Variants in CTSC observed in about 807,000 individuals in gnomAD.
CTSC encodes dipeptidyl peptidase 1.
Under a neutral mutation model 40.9 loss-of-function variants are expected in CTSC, and 37 were observed. The ratio of observed to expected loss-of-function variants is 0.91; its 90% CI spans 0.70 to 1.19. The LOEUF (loss-of-function observed/expected upper bound fraction) is 1.19, where lower values mean the gene tolerates loss of function less well. CTSC is among the 50% of genes most tolerant of loss of function. The pLI is 0.00. For synonymous variants in CTSC, 232 were observed against 207.4 expected (o/e 1.12, Z -1.02); for missense variants, 594 against 567.3 (o/e 1.05, Z -0.48).
intron 4 of CTSC, among the ~76,000 whole-genome samples, chr11:88,305,534 C>T (rs1328394953): frequency 6.6e-6 from 1 of 152,208 alleles, no homozygotes; most frequent in Non-Finnish European, 1.5e-5. Flanking sequence ...TTCAGAAATG[C>T]TCATAAACAA....
Position 88,325,991 on chromosome 11 carries a change from G to A in CTSC, c.318+8946C>T, listed in dbSNP as rs1032719587. 41 of 1,007,740 alleles carry A rather than the reference G, an allele frequency of 4.1e-5. No homozygotes were observed. In the East Asian group the frequency reaches 1.5e-3, roughly 36 times the overall value. The allele number at this position is 1,007,740 out of a possible 1,614,324, so 62.4% of individuals were successfully genotyped here. ...CAGTTAAACTGTGAATAAAATTTAC[G>A]CTGTGAATAAAACAAAACATACACT... is the stretch of plus-strand genomic sequence containing the variant. On this transcript the variant is annotated intron_variant, in intron 2 of 6. Transcript: ENST00000227266.
At chr11:88,326,982 T>A (rs1938211992) in intron 2 of CTSC, among the ~76,000 whole-genome samples, 1 of 151,926 alleles carries the variant, frequency 6.6e-6, no homozygotes, top group South Asian at 2.1e-4. Context: ...AAAAAAAAAA[T>A]AGTGAACCTA....
chr11:88,296,759 T>G (rs1018802814), intron 5 of CTSC: 1 of 198,726 alleles, frequency 5.0e-6, no homozygotes, highest in Non-Finnish European at 1.0e-5. Flanking sequence ...GTGGGGCCTT[T>G]GGGATTAGTG....
chr11:88,306,487 A>T (rs1367012361), intron 4 of CTSC, among the ~76,000 whole-genome samples: 1 of 151,464 alleles, frequency 6.6e-6, no homozygotes. Flanking sequence ...AGATACAAGG[A>T]GCTGAACATC....
chr11:88,312,427 A>T lies in CTSC; in HGVS notation c.446T>A (p.Val149Glu). Residue 149 changes from valine to glutamate, a missense_variant, in exon 3 of 7, where the codon GTG (valine) becomes GAG (glutamate). Physicochemically the swap from Val to Glu is moderately radical, Grantham distance 121. Transcript: ENST00000227266. ...GKKVGTASEN[V>E]YVNIAHLKNS... Reference sequence around the variant, plus strand: ...CTTAAGGTGTGCTATGTTGACATACACATTCTCAGAGGCAGTTCCCACCTT... The same window carrying T: ...CTTAAGGTGTGCTATGTTGACATACTCATTCTCAGAGGCAGTTCCCACCTT... 3 of 1,614,190 alleles carry T rather than the reference A, an allele frequency of 1.9e-6. No individual in the cohort carries two copies.
rs568315576 is a variant in CTSC, at chr11:88,337,433, C to A, written c.172+68G>T. 3 of 1,464,920 alleles carry A rather than the reference C, an allele frequency of 2.0e-6. No individual in the cohort carries two copies. The East Asian group carries it at 7.4e-5, about 36-fold the overall frequency. 90.7% of individuals were successfully genotyped at this position (1,464,920 alleles called of 1,614,324 possible). A position where few individuals can be genotyped will look rare whatever the true frequency, so the allele number is the denominator to read the frequency against. On this transcript the variant is annotated intron_variant, in intron 1 of 6. Coordinates refer to ENST00000227266, the MANE Select transcript of CTSC (RefSeq NM_001814.6). ...CTGCCTGGGGGGAAGCGGTAGTTGG[C>A]GTGGCGCTGCGTTAGGGGCTCAAGG...
rs141107832 is a variant in CTSC, at chr11:88,296,280, A to G, written c.758-16T>C. On this transcript the variant is annotated splice_polypyrimidine_tract_variant and intron_variant, in intron 5 of 6. Transcript: ENST00000227266. ...CCACAGGATGCTGGCGATGAAAAAA[A>G]GACACATAATCCAAGAGACATCTGA... 2.2e-5 allele frequency: 36 copies of G among 1,613,254 alleles called. No individual in the cohort carries two copies. Among genetic ancestry groups the G allele is most frequent in the Non-Finnish European group, 2.9e-5 (34 of 1,179,546 alleles).
At chr11:88,298,049 C>T (rs1348095901) in intron 5 of CTSC, 4 of 152,126 alleles carry the variant, frequency 2.6e-5, no homozygotes, top group African/African-American at 4.8e-5. Context: ...ACACTGGGCA[C>T]TTGACCTTTT....
At chr11:88,301,561 A>G (rs955188239) in intron 4 of CTSC, among the ~76,000 whole-genome samples, 2 of 152,132 alleles carry the variant, frequency 1.3e-5, no homozygotes, top group Non-Finnish European at 2.9e-5. Flanking sequence ...GAAGCCAAGA[A>G]CCTGGACACC....
At position 88,326,579 on chromosome 11, in the gene CTSC, T is replaced by C. The variant is rs1185785533; in HGVS notation, c.318+8358A>G. ...TATTTGAGATCCTGGTATATTTTTG[T>C]AAATGTTAAGACATTCACAGGAAAG... On this transcript the variant is annotated intron_variant, in intron 2 of 6. Coordinates refer to ENST00000227266, the MANE Select transcript of CTSC (RefSeq NM_001814.6). The C allele has an allele frequency of 7.3e-6, 5 of 682,608 alleles. No individual in the cohort carries two copies. The Admixed American group carries it at 7.9e-5, about 11-fold the overall frequency. The allele number at this position is 682,608 out of a possible 1,614,324, so 42.3% of individuals were successfully genotyped here.
At chr11:88,303,382 T>A (rs1396907423) in intron 4 of CTSC, among the ~76,000 whole-genome samples, 2 of 152,206 alleles carry the variant, frequency 1.3e-5, no homozygotes, top group African/African-American at 2.4e-5. Context: ...CCTAGGTTGT[T>A]TACCTGTGCT....
chr11:88,335,377 T>C (rs1938467205), intron 1 of CTSC, among the ~76,000 whole-genome samples: 1 of 152,050 alleles, frequency 6.6e-6, no homozygotes. Flanking sequence ...CAAGACTAGT[T>C]TGGGCAACAT....
intron 2 of CTSC, among the ~76,000 whole-genome samples, chr11:88,329,190 A>G (rs1214924825): frequency 6.6e-6 from 1 of 151,790 alleles, no homozygotes; most frequent in Non-Finnish European, 1.5e-5. Context: ...TAGGTTAGAA[A>G]GCCTATTCAG....
intron 2 of CTSC, among the ~76,000 whole-genome samples, chr11:88,314,211 G>A (rs1055521553): frequency 2.6e-5 from 4 of 152,192 alleles, no homozygotes; most frequent in African/African-American, 9.7e-5. Flanking sequence ...CCTAAAAGGT[G>A]CAAAGGGAAT....
chr11:88,333,097 T>C (rs1329809844), intron 2 of CTSC, among the ~76,000 whole-genome samples: 1 of 152,256 alleles, frequency 6.6e-6, no homozygotes, highest in African/African-American at 2.4e-5. Flanking sequence ...CTACCAGCTT[T>C]GGACTACTAT....
chr11:88,336,453 C>A (rs1938496523), intron 1 of CTSC, among the ~76,000 whole-genome samples: 1 of 150,308 alleles, frequency 6.7e-6, no homozygotes, highest in Admixed American at 6.6e-5. Flanking sequence ...GCAGGAGAAT[C>A]GCTTAAACCC....
At chr11:88,323,739 A>G (rs1329042933) in intron 2 of CTSC, 1 of 152,172 alleles carries the variant, frequency 6.6e-6, no homozygotes, top group Non-Finnish European at 1.5e-5. Flanking sequence ...GAGAACTACA[A>G]ACCACTACTC....
At chr11:88,331,418 T>C (rs1466500076) in intron 2 of CTSC, among the ~76,000 whole-genome samples, 1 of 152,206 alleles carries the variant, frequency 6.6e-6, no homozygotes, top group Admixed American at 6.5e-5. Context: ...TTATGATTTA[T>C]TACAAAGGAT....
chr11:88,327,241 T>C (rs1479029392), intron 2 of CTSC, among the ~76,000 whole-genome samples: 1 of 152,238 alleles, frequency 6.6e-6, no homozygotes, highest in East Asian at 1.9e-4. Flanking sequence ...GAGCAATTCC[T>C]ACCTGGCAGA....
Sources: allele counts gnomAD v4.1 joint callset (sites outside exome capture counted in the v4.1 genomes callset), GRCh38; gene constraint gnomAD v4.1.1; transcripts MANE v1.5; gene names NCBI Gene and HGNC (gene_info 2026-07-23, HGNC 2026-07-21).